The following DMD variants were observed in gnomAD, a reference collection of about 807,000 sequenced individuals.
The protein encoded by DMD is dystrophin.
DMD carries 63 observed loss-of-function variants against 330.1 expected under a neutral mutation model. The observed-to-expected ratio is 0.19, with a 90% CI of 0.16 to 0.24. The LOEUF is 0.24. Ranked by LOEUF, DMD falls within the 10% of genes least tolerant of loss-of-function variation. The probability of loss-of-function intolerance (pLI) is 1.00; values close to 1 mark genes in which losing one functional copy is unlikely to be tolerated. For missense variants in DMD, 3,344 were observed against 2,684.1 expected (o/e 1.25, Z -5.43); for synonymous variants, 1,223 against 959.8 (o/e 1.27, Z -5.07).
chrX:32,114,650 G>T (rs950372051), intron 44 of DMD, among the ~76,000 whole-genome samples: 14 of 111,646 alleles, frequency 1.3e-4, no homozygotes, highest in African/African-American at 4.6e-4. Flanking sequence ...TGGGTCTTAC[G>T]CTCTGTTGGA....
At chrX:32,653,595 A>G (rs780485883) in intron 9 of DMD, among the ~76,000 whole-genome samples, 1 of 111,325 alleles carries the variant, frequency 9.0e-6, no homozygotes, top group Non-Finnish European at 1.9e-5. Context: ...GTAGTGTGAT[A>G]CCTCCAGCTT....
In DMD at chrX:31,679,532, C is replaced by T. The variant is rs756085930; in HGVS notation, c.7715G>A (p.Arg2572Lys). The T allele has an allele frequency of 4.1e-6, 5 of 1,211,639 alleles. No homozygotes were observed. The South Asian group carries it at 8.8e-5, about 21-fold the overall frequency. ...CTTTAACATTTCATTCAACTGTTGC[C>T]TCCGGTTCTGAAGGTGTTCTTGTAC... ...DEVQEHLQNR[R>K]QQLNEMLKDS... The change falls in exon 53 of 79, where the codon AGG becomes AAG. Residue 2572 changes from arginine to lysine, a missense_variant. Transcript: ENST00000357033.
intron 13 of DMD, among the ~76,000 whole-genome samples, chrX:32,580,207 C>G (rs750810042): frequency 9.0e-6 from 1 of 110,937 alleles, no homozygotes; most frequent in South Asian, 3.8e-4. Context: ...CGTTTTATAC[C>G]TCGCAGACTC....
chrX:31,453,296 G>A (rs1438958158), intron 59 of DMD, among the ~76,000 whole-genome samples: 1 of 110,934 alleles, frequency 9.0e-6, no homozygotes, highest in East Asian at 2.8e-4. Context: ...CAAGTAGCTG[G>A]GATTACAGGT....
At chrX:32,794,198 C>G (rs1473580196) in intron 7 of DMD, among the ~76,000 whole-genome samples, 1 of 111,803 alleles carries the variant, frequency 8.9e-6, no homozygotes, top group Non-Finnish European at 1.9e-5. Context: ...CTCCAACAAA[C>G]TAGGCATACA....
intron 34 of DMD, among the ~76,000 whole-genome samples, chrX:32,374,125 G>T (rs183965108): frequency 9.0e-6 from 1 of 110,525 alleles, no homozygotes; most frequent in African/African-American, 3.3e-5. Context: ...GTCTATTCAC[G>T]TTCTTTGTCC....
At chrX:31,588,197 G>C (rs1603408902) in intron 55 of DMD, among the ~76,000 whole-genome samples, 1 of 111,726 alleles carries the variant, frequency 9.0e-6, no homozygotes, top group Middle Eastern at 4.2e-3. Flanking sequence ...AACATCTTGA[G>C]GTCCTTGGAA....
intron 1 of DMD, among the ~76,000 whole-genome samples, chrX:33,229,347 A>G: frequency 9.0e-6 from 1 of 111,219 alleles, no homozygotes; most frequent in Non-Finnish European, 1.9e-5. Context: ...TATATTTGAC[A>G]TTTGAGATAA....
At chrX:32,716,646 A>T (rs769659698) in intron 7 of DMD, among the ~76,000 whole-genome samples, 32 of 111,011 alleles carry the variant, frequency 2.9e-4, no homozygotes, top group Non-Finnish European at 5.8e-4. Context: ...ACACGTTGGA[A>T]CAGTGTGGAG....
At chrX:32,896,339 C>T (rs914115796) in intron 2 of DMD, among the ~76,000 whole-genome samples, 1 of 111,835 alleles carries the variant, frequency 8.9e-6, no homozygotes, top group Non-Finnish European at 1.9e-5. Flanking sequence ...ATAAAAATAG[C>T]CATGTACAGA....
rs756111626 is a variant in DMD, at chrX:32,654,785, C to CT, written c.961-9634dup. On this transcript the variant is annotated intron_variant, in intron 9 of 78. Transcript: ENST00000357033. ...GGCTGTGAATCCATCTGGTCCTGGACTTTTTTTGGTTGGTAGGCTATTAAT... is the reference window on the plus strand; with the variant it reads ...GGCTGTGAATCCATCTGGTCCTGGACTTTTTTTTGGTTGGTAGGCTATTAAT... Among the ~76,000 whole-genome samples the CT allele has an allele frequency of 6.0e-3, 663 of 111,129 alleles. 6 individuals carry two copies. The highest frequency in any genetic ancestry group is 0.021 in the African/African-American group (647 of 30,530).
intron 44 of DMD, among the ~76,000 whole-genome samples, chrX:32,214,041 T>C (rs1442675930): frequency 9.0e-6 from 1 of 111,132 alleles, no homozygotes; most frequent in Admixed American, 9.6e-5. Flanking sequence ...TAAACCACAC[T>C]GTCAAGAAAT....
At chrX:32,253,409 G>T (rs191731270) in intron 43 of DMD, among the ~76,000 whole-genome samples, 4 of 110,452 alleles carry the variant, frequency 3.6e-5, no homozygotes, top group Non-Finnish European at 5.7e-5. Flanking sequence ...AGGATGAAAA[G>T]CTACATAGGG....
intron 52 of DMD, among the ~76,000 whole-genome samples, chrX:31,685,868 TTTTG>T (rs1015368947): frequency 8.9e-6 from 1 of 112,468 alleles, no homozygotes; most frequent in South Asian, 3.6e-4. Context: ...GAGGCATGTT[TTTTG>T]TTTGTTTGTT....
intron 18 of DMD, chrX:32,517,747 T>C (rs2045995334): frequency 2.4e-6 from 1 of 420,638 alleles, no homozygotes; most frequent in African/African-American, 2.5e-5. Flanking sequence ...GTCATAAAAT[T>C]GTTAATTTAT....
At chrX:32,429,510 G>A (rs779756130) in intron 29 of DMD, among the ~76,000 whole-genome samples, 28 of 101,854 alleles carry the variant, frequency 2.7e-4, no homozygotes, top group Non-Finnish European at 4.3e-4. Flanking sequence ...TACCACGCCC[G>A]GCCGCTGGTA....
chrX:31,801,702 T>C (rs981398411), intron 50 of DMD, among the ~76,000 whole-genome samples: 3 of 110,034 alleles, frequency 2.7e-5, no homozygotes, highest in African/African-American at 9.9e-5. Context: ...ATACCTTGAA[T>C]ACATACAGTT....
intron 1 of DMD, among the ~76,000 whole-genome samples, chrX:33,310,333 AT>A (rs765955294): frequency 1.1e-3 from 123 of 111,283 alleles, no homozygotes; most frequent in Non-Finnish European, 1.1e-3. Context: ...AAAAGACTAA[AT>A]ATTTTATATC....
chrX:32,014,770 G>A (rs889481841), intron 44 of DMD, among the ~76,000 whole-genome samples: 7 of 112,177 alleles, frequency 6.2e-5, no homozygotes, highest in Non-Finnish European at 1.1e-4. Flanking sequence ...TTATGAAAAT[G>A]TTTAGAAAAG....
Sources: allele counts gnomAD v4.1 joint callset (sites outside exome capture counted in the v4.1 genomes callset), GRCh38; gene constraint gnomAD v4.1.1; transcripts MANE v1.5; gene names NCBI Gene and HGNC (gene_info 2026-07-23, HGNC 2026-07-21).